RBFOX1: variants seen among roughly 807,000 people sequenced by gnomAD.
RBFOX1 encodes the protein RNA binding protein fox-1 homolog 1.
Under a neutral mutation model 57.7 loss-of-function variants are expected in RBFOX1, and 8 were observed. The ratio of observed to expected loss-of-function variants is 0.14; its 90% CI spans 0.08 to 0.25. The LOEUF is 0.25. Among genes scored for constraint, RBFOX1 ranks in the 10% least tolerant of loss-of-function variants. The pLI, the probability that RBFOX1 is intolerant of heterozygous loss-of-function variation, is 1.00. For missense variants in RBFOX1, 611 were observed against 548.5 expected (o/e 1.11, Z -1.14); for synonymous variants, 326 against 222.4 (o/e 1.47, Z -4.15).
chr16:6,776,049 C>T (rs1466993888), intron 3 of RBFOX1: 1 of 152,032 alleles, frequency 6.6e-6, no homozygotes, highest in Admixed American at 6.6e-5. Context: ...TTTCTTGGAT[C>T]ATATGTTTTT....
intron 3 of RBFOX1, among the ~76,000 whole-genome samples, chr16:6,977,150 CATAT>C (rs1262078505): frequency 3.0e-5 from 3 of 100,074 alleles, no homozygotes; most frequent in Non-Finnish European, 5.7e-5. Flanking sequence ...TTATATATAT[CATAT>C]ATATCATATA....
At chr16:6,946,178 G>A (rs982685079) in intron 3 of RBFOX1, among the ~76,000 whole-genome samples, 1 of 152,250 alleles carries the variant, frequency 6.6e-6, no homozygotes, top group Non-Finnish European at 1.5e-5. Flanking sequence ...AGTGTTTACA[G>A]TAAAGGACCA....
At chr16:6,146,150 C>T (rs994519603) in intron 1 of RBFOX1, among the ~76,000 whole-genome samples, 1 of 152,148 alleles carries the variant, frequency 6.6e-6, no homozygotes, top group Admixed American at 6.5e-5. Context: ...AAACAGCAAA[C>T]ATTTGTTGAA....
chr16:6,403,464 G>A (rs1468122287), intron 2 of RBFOX1, among the ~76,000 whole-genome samples: 1 of 151,996 alleles, frequency 6.6e-6, no homozygotes, highest in Non-Finnish European at 1.5e-5. Flanking sequence ...CCGGAGCTCA[G>A]GTGGGCCTCC....
At chr16:7,084,081 G>A (rs148575604) in intron 4 of RBFOX1, among the ~76,000 whole-genome samples, 211 of 152,194 alleles carry the variant, frequency 1.4e-3, no homozygotes, top group African/African-American at 4.8e-3. Context: ...CTGATCAAAC[G>A]TCTGCAAAGC....
intron 3 of RBFOX1, among the ~76,000 whole-genome samples, chr16:5,722,051 TA>T (rs1412329767): frequency 6.6e-6 from 1 of 152,214 alleles, no homozygotes; most frequent in Non-Finnish European, 1.5e-5. Context: ...GGTAGAATCA[TA>T]AATCCGAAGT....
At chr16:6,085,685 C>A (rs565723859) in intron 1 of RBFOX1, among the ~76,000 whole-genome samples, 1 of 124,134 alleles carries the variant, frequency 8.1e-6, no homozygotes, top group Non-Finnish European at 1.9e-5. Flanking sequence ...TGTGTGCATG[C>A]GCGCACGCAC....
intron 5 of RBFOX1, among the ~76,000 whole-genome samples, chr16:7,545,598 G>C (rs543964594): frequency 2.0e-5 from 3 of 152,242 alleles, no homozygotes; most frequent in South Asian, 4.2e-4. Flanking sequence ...CTGAACCCCA[G>C]CTCAGTCTCC....
intron 3 of RBFOX1, among the ~76,000 whole-genome samples, chr16:6,937,986 T>TGGGGG (rs1443529689): frequency 1.9e-5 from 1 of 52,714 alleles, no homozygotes. Context: ...TGGGTGGGGG[T>TGGGGG]GGGGGGTGGG....
intron 4 of RBFOX1, among the ~76,000 whole-genome samples, chr16:7,110,589 C>T (rs2064545468): frequency 6.6e-6 from 1 of 152,024 alleles, no homozygotes; most frequent in South Asian, 2.1e-4. Context: ...GATCTCTGGG[C>T]ACGAAGATTA....
chr16:6,145,000 A>G (rs1455691786), intron 1 of RBFOX1, among the ~76,000 whole-genome samples: 1 of 151,606 alleles, frequency 6.6e-6, no homozygotes, highest in South Asian at 2.1e-4. Flanking sequence ...GTGAGATAAG[A>G]CCCTGCATTT....
At chr16:7,058,769 C>T (rs765269913) in intron 4 of RBFOX1, among the ~76,000 whole-genome samples, 8 of 152,010 alleles carry the variant, frequency 5.3e-5, no homozygotes, top group African/African-American at 1.2e-4. Flanking sequence ...TTTTCATTTA[C>T]CGTGGCAATA....
chr16:6,191,626 CAA>C (rs1264468215), intron 1 of RBFOX1, among the ~76,000 whole-genome samples: 1 of 152,076 alleles, frequency 6.6e-6, no homozygotes, highest in Non-Finnish European at 1.5e-5. Context: ...GGTAAGAAAA[CAA>C]GAGTAATCTG....
intron 4 of RBFOX1, among the ~76,000 whole-genome samples, chr16:7,402,754 C>T (rs558407502): frequency 2.0e-5 from 3 of 152,104 alleles, no homozygotes; most frequent in African/African-American, 4.8e-5. Flanking sequence ...AGGGTGCCCC[C>T]CTCCTTAATC....
chr16:6,352,633 G>A (rs994756817), intron 2 of RBFOX1, among the ~76,000 whole-genome samples: 14 of 152,128 alleles, frequency 9.2e-5, no homozygotes, highest in East Asian at 1.9e-4. Flanking sequence ...GTTACCATGC[G>A]AAGTCATTCA....
At chr16:7,465,212 A>T (rs565936884) in intron 4 of RBFOX1, among the ~76,000 whole-genome samples, 127 of 152,284 alleles carry the variant, frequency 8.3e-4, no homozygotes, top group African/African-American at 2.8e-3. Context: ...CTTGTCAGCA[A>T]ACTCTCAGCT....
At chr16:6,752,352 A>T (rs2075082511) in intron 3 of RBFOX1, among the ~76,000 whole-genome samples, 1 of 152,212 alleles carries the variant, frequency 6.6e-6, no homozygotes, top group Admixed American at 6.5e-5. Context: ...ATCTCAGTCT[A>T]ATTAATATGC....
intron 4 of RBFOX1, among the ~76,000 whole-genome samples, chr16:7,141,227 G>A (rs1567426278): frequency 6.6e-6 from 1 of 152,156 alleles, no homozygotes; most frequent in Non-Finnish European, 1.5e-5. Flanking sequence ...TGTTAGTGCT[G>A]GATCCAGATC....
intron 3 of RBFOX1, among the ~76,000 whole-genome samples, chr16:5,815,906 T>A (rs2055616626): frequency 6.6e-6 from 1 of 152,114 alleles, no homozygotes; most frequent in Admixed American, 6.6e-5. Context: ...AGGTTTGAAA[T>A]CCACCGGGTG....
Sources: allele counts gnomAD v4.1 joint callset (sites outside exome capture counted in the v4.1 genomes callset), GRCh38; gene constraint gnomAD v4.1.1; transcripts MANE v1.5; gene names NCBI Gene and HGNC (gene_info 2026-07-23, HGNC 2026-07-21).